The following NXPE2 variants were observed in gnomAD, a reference collection of about 807,000 sequenced individuals.
NXPE2 encodes the protein neurexophilin and PC-esterase domain family member 2.
Under a neutral mutation model 34.4 loss-of-function variants are expected in NXPE2, and 34 were observed. The ratio of observed to expected loss-of-function variants is 0.99; its 90% CI spans 0.75 to 1.31. NXPE2 has a LOEUF of 1.31. Among genes scored for constraint, NXPE2 ranks in the 40% most tolerant of loss-of-function variants. NXPE2 has a pLI of 0.00. For synonymous variants in NXPE2, 235 were observed against 231.3 expected (o/e 1.02, Z -0.15); for missense variants, 649 against 672.5 (o/e 0.97, Z 0.39).
the NXPE2 span, among the ~76,000 whole-genome samples, chr11:114,490,008 T>C: frequency 3.4e-4 from 52 of 152,146 alleles, 1 homozygote; most frequent in Non-Finnish European, 1.5e-5. Context: ...ACTTCAGCAG[T>C]CTCAGGATAC....
chr11:114,750,360 A>C, the NXPE2 span, among the ~76,000 whole-genome samples: 1 of 152,180 alleles, frequency 6.6e-6, no homozygotes, highest in East Asian at 1.9e-4. Context: ...AGTTTTATAC[A>C]ATTGAAAAAG....
the NXPE2 span, among the ~76,000 whole-genome samples, chr11:114,608,215 T>A: frequency 1.3e-5 from 2 of 151,522 alleles, no homozygotes; most frequent in Admixed American, 1.3e-4. Flanking sequence ...GGATAATACG[T>A]GTTGCCTCAT....
the NXPE2 span, among the ~76,000 whole-genome samples, chr11:114,505,377 C>T: frequency 3.9e-5 from 6 of 151,968 alleles, no homozygotes; most frequent in Non-Finnish European, 7.4e-5. Context: ...TGCAGAGAAC[C>T]CCAGTAAAAT....
downstream of NXPE2, among the ~76,000 whole-genome samples, chr11:114,711,368 G>T (rs938829068): frequency 2.0e-5 from 3 of 152,040 alleles, no homozygotes; most frequent in African/African-American, 7.2e-5. Context: ...CTTATATTTA[G>T]AAAATCTTAA....
intron 2 of NXPE2, among the ~76,000 whole-genome samples, chr11:114,690,173 A>C (rs1181674564): frequency 6.6e-6 from 1 of 152,108 alleles, no homozygotes; most frequent in Non-Finnish European, 1.5e-5. Context: ...TTGAGGGGTT[A>C]CTTTATGGGA....
At chr11:114,470,987 G>A in the NXPE2 span, among the ~76,000 whole-genome samples, 1,501 of 152,188 alleles carry the variant, frequency 9.9e-3, 30 homozygotes, top group African/African-American at 0.034. Context: ...ACCATGACAG[G>A]TTGTTTGTTT....
At chr11:114,647,042 T>C in the NXPE2 span, among the ~76,000 whole-genome samples, 417 of 152,292 alleles carry the variant, frequency 2.7e-3, no homozygotes, top group African/African-American at 8.8e-3. Flanking sequence ...TTGGGTCTCA[T>C]CTCCTAAAGC....
chr11:114,626,607 C>A, the NXPE2 span, among the ~76,000 whole-genome samples: 3 of 152,160 alleles, frequency 2.0e-5, no homozygotes, highest in Non-Finnish European at 4.4e-5. Context: ...CTCTAAAAAG[C>A]AGAGCGCCTC....
At chr11:114,720,455 C>T in the NXPE2 span, among the ~76,000 whole-genome samples, 8 of 152,138 alleles carry the variant, frequency 5.3e-5, no homozygotes, top group Admixed American at 3.9e-4. Context: ...TCATATGTGT[C>T]GGGGTAGCAC....
At chr11:114,464,384 T>C in the NXPE2 span, among the ~76,000 whole-genome samples, 3 of 152,224 alleles carry the variant, frequency 2.0e-5, no homozygotes, top group African/African-American at 7.2e-5. Flanking sequence ...AAATCATTAC[T>C]GACCATCCTC....
At chr11:114,466,164 T>G in the NXPE2 span, among the ~76,000 whole-genome samples, 4 of 152,184 alleles carry the variant, frequency 2.6e-5, no homozygotes, top group Non-Finnish European at 5.9e-5. Context: ...ATTGAATAAA[T>G]TTATTTGTAG....
chr11:114,656,330 A>G, the NXPE2 span, among the ~76,000 whole-genome samples: 5 of 152,202 alleles, frequency 3.3e-5, no homozygotes, highest in Non-Finnish European at 5.9e-5. Flanking sequence ...GGAAGAATCA[A>G]TATCGTGAAA....
the NXPE2 span, among the ~76,000 whole-genome samples, chr11:114,799,171 T>C: frequency 7.3e-3 from 1,110 of 152,228 alleles, 9 homozygotes; most frequent in Non-Finnish European, 0.01. Context: ...TTAATTCCTA[T>C]TGATAGAGAA....
At chr11:114,641,107 T>C in the NXPE2 span, among the ~76,000 whole-genome samples, 1 of 151,952 alleles carries the variant, frequency 6.6e-6, no homozygotes, top group Non-Finnish European at 1.5e-5. Context: ...CTGAAGTAAA[T>C]AGTAGTCTGG....
the NXPE2 span, chr11:114,580,191 T>C: frequency 1.2e-6 from 2 of 1,613,924 alleles, no homozygotes; most frequent in Non-Finnish European, 1.7e-6. Context: ...TCCCATTAGG[T>C]ATATGAGTTT....
At chr11:114,479,761 C>G in the NXPE2 span, among the ~76,000 whole-genome samples, 7 of 152,086 alleles carry the variant, frequency 4.6e-5, no homozygotes, top group African/African-American at 1.7e-4. Context: ...GATGAGACCC[C>G]ACGGTGTTAG....
chr11:114,597,292 G>A, the NXPE2 span, among the ~76,000 whole-genome samples: 11 of 152,078 alleles, frequency 7.2e-5, no homozygotes, highest in Admixed American at 5.9e-4. Context: ...ATAGCAAACT[G>A]TCAATATATT....
the NXPE2 span, among the ~76,000 whole-genome samples, chr11:114,492,110 G>A: frequency 6.6e-6 from 1 of 151,964 alleles, no homozygotes; most frequent in Non-Finnish European, 1.5e-5. Flanking sequence ...GTATACATAT[G>A]TAACAAACCT....
At chr11:114,592,671 A>T in the NXPE2 span, among the ~76,000 whole-genome samples, 1 of 152,190 alleles carries the variant, frequency 6.6e-6, no homozygotes, top group Non-Finnish European at 1.5e-5. Flanking sequence ...ATCGAAATAG[A>T]AAAACAATTC....
Sources: allele counts gnomAD v4.1 joint callset (sites outside exome capture counted in the v4.1 genomes callset), GRCh38; gene constraint gnomAD v4.1.1; transcripts MANE v1.5; gene names NCBI Gene and HGNC (gene_info 2026-07-23, HGNC 2026-07-21).